Variants in TMPRSS15 observed in about 807,000 individuals in gnomAD.
The protein encoded by TMPRSS15 is transmembrane serine protease 15.
A neutral mutation model predicts 125.3 loss-of-function variants in TMPRSS15; 128 were observed. The ratio of observed to expected loss-of-function variants is 1.02; its 90% CI spans 0.89 to 1.18. The LOEUF is 1.18. Among genes scored for constraint, TMPRSS15 ranks in the 50% most tolerant of loss-of-function variants. The pLI is 0.00. For synonymous variants in TMPRSS15, 446 were observed against 423.2 expected (o/e 1.05, Z -0.66); for missense variants, 1,283 against 1,212.7 (o/e 1.06, Z -0.86).
In TMPRSS15 at chr21:18,353,722, C is replaced by G; in HGVS notation, c.1021+1G>C. The stretch of plus-strand genomic sequence containing the variant: ...AAAGCCAAAAAATAAATAATACTTA[C>G]TATTAAGCTCACTGCTGTTAAATGC... On this transcript the variant is annotated splice_donor_variant, in intron 9 of 24. Coordinates refer to ENST00000284885, the MANE Select transcript of TMPRSS15 (RefSeq NM_002772.3). LOFTEE classifies it high-confidence loss of function. 2 of 1,609,440 alleles carry G rather than the reference C, an allele frequency of 1.2e-6. No homozygotes were observed. Among genetic ancestry groups the G allele is most frequent in the South Asian group, 2.2e-5 (2 of 90,666 alleles).
At chr21:18,313,107 A>G in intron 17 of TMPRSS15, 30 bp from the exon 18 acceptor site, 1 of 1,518,980 alleles carries the variant, frequency 6.6e-7, no homozygotes, top group Admixed American at 1.7e-5. Flanking sequence ...AATGGTAGTT[A>G]CCAGAGACTG....
intron 22 of TMPRSS15, among the ~76,000 whole-genome samples, chr21:18,280,189 C>CT (rs1471354431): frequency 6.6e-6 from 1 of 152,186 alleles, no homozygotes; most frequent in Non-Finnish European, 1.5e-5. Flanking sequence ...ATAAAATTCA[C>CT]TTTATCAGGG....
chr21:18,310,095 T>C (rs2075083226), intron 18 of TMPRSS15, among the ~76,000 whole-genome samples: 1 of 152,114 alleles, frequency 6.6e-6, no homozygotes, highest in Non-Finnish European at 1.5e-5. Flanking sequence ...GACAAAGCCA[T>C]AGTTAACAAT....
At chr21:18,376,308 G>A (rs182328487) in intron 5 of TMPRSS15, among the ~76,000 whole-genome samples, 101 of 152,000 alleles carry the variant, frequency 6.6e-4, no homozygotes, top group African/African-American at 2.2e-3. Context: ...GAGTAGGAAC[G>A]TCTTAAATTA....
chr21:18,388,641 C>T (rs868610926), intron 3 of TMPRSS15, among the ~76,000 whole-genome samples: 24 of 152,228 alleles, frequency 1.6e-4, no homozygotes, highest in South Asian at 4.1e-4. Flanking sequence ...GAGGTTAAAG[C>T]CTTTTGGAAA....
intron 6 of TMPRSS15, among the ~76,000 whole-genome samples, chr21:18,368,656 G>GTC (rs2075762571): frequency 6.6e-6 from 1 of 152,136 alleles, no homozygotes; most frequent in Admixed American, 6.6e-5. Context: ...TATTTAGCCT[G>GTC]TCCTAAAGAA....
intron 8 of TMPRSS15, among the ~76,000 whole-genome samples, chr21:18,359,027 A>G (rs1601386883): frequency 1.3e-5 from 2 of 152,022 alleles, no homozygotes; most frequent in Non-Finnish European, 2.9e-5. Context: ...TGCGAGGAAA[A>G]CTAGTTATTC....
chr21:18,326,581 A>G lies in TMPRSS15; in HGVS notation c.1781-9T>C, dbSNP rs200644703. 3.7e-4 allele frequency: 604 copies of G among 1,614,066 alleles called. No individual in the cohort carries two copies. Among genetic ancestry groups the G allele is most frequent in the Non-Finnish European group, 4.7e-4 (557 of 1,179,946 alleles). ...AGGCCCTGTGTACACAGCTGTTCCA[A>G]AGGAAAACGAGATAATCAGTGAGAT... On this transcript the variant is annotated splice_polypyrimidine_tract_variant and intron_variant, in intron 15 of 24. Coordinates refer to ENST00000284885, the MANE Select transcript of TMPRSS15 (RefSeq NM_002772.3).
At position 18,379,270 on chromosome 21, in the gene TMPRSS15, T is replaced by C. The variant is rs1340543923; in HGVS notation, c.532+13A>G. 7 of 1,281,522 alleles carry C rather than the reference T, an allele frequency of 5.5e-6. No homozygotes were observed. The highest frequency in any genetic ancestry group is 1.5e-5 in the African/African-American group (1 of 65,566). 79.4% of individuals were successfully genotyped at this position (1,281,522 alleles called of 1,614,324 possible). On this transcript the variant is annotated intron_variant, in intron 5 of 24. Coordinates refer to ENST00000284885, the MANE Select transcript of TMPRSS15 (RefSeq NM_002772.3). Reference sequence around the variant, plus strand: ...TTCTTTCAAAAAATAATAATAATATTATTAAAACTGACCTGGAGTTGCCAG... The same window carrying C: ...TTCTTTCAAAAAATAATAATAATATCATTAAAACTGACCTGGAGTTGCCAG...
intron 18 of TMPRSS15, among the ~76,000 whole-genome samples, chr21:18,300,542 A>C (rs1473430733): frequency 6.6e-6 from 1 of 150,980 alleles, no homozygotes; most frequent in Admixed American, 6.6e-5. Flanking sequence ...AGGGTGTTTC[A>C]CTATGTTGGC....
chr21:18,359,804 T>C lies in TMPRSS15; in HGVS notation c.833A>G (p.Asp278Gly). The C allele has an allele frequency of 6.6e-7, 1 of 1,523,568 alleles. No homozygotes were observed. Among genetic ancestry groups the C allele is most frequent in the Non-Finnish European group, 9.1e-7 (1 of 1,100,300 alleles). 94.4% of individuals were successfully genotyped at this position (1,523,568 alleles called of 1,614,324 possible). The change falls in exon 8 of 25, where the codon GAT becomes GGT. Residue 278 changes from aspartate (D) to glycine (G), a missense_variant. Asp to Gly is a moderately conservative substitution (Grantham distance 94, BLOSUM62 -1). Coordinates refer to ENST00000284885, the MANE Select transcript of TMPRSS15 (RefSeq NM_002772.3). ...TACACCTTCATAAATATCTAATATA[T>C]CTGTATAATATGTATTAAAATCATC... ...SFDDFNTYYT[D>G]ILDIYEGVGS...
chr21:18,414,308 C>A (rs1448317705), intron 1 of TMPRSS15, among the ~76,000 whole-genome samples: 1 of 151,942 alleles, frequency 6.6e-6, no homozygotes, highest in African/African-American at 2.4e-5. Context: ...CCTAACAGCT[C>A]CCATTTTCTT....
chr21:18,457,927 A>G (rs1978473327), intron 1 of TMPRSS15, among the ~76,000 whole-genome samples: 1 of 152,154 alleles, frequency 6.6e-6, no homozygotes. Context: ...GAAACTTTTG[A>G]GTATAATTCT....
At chr21:18,369,750 C>T (rs975295561) in intron 6 of TMPRSS15, among the ~76,000 whole-genome samples, 3 of 151,894 alleles carry the variant, frequency 2.0e-5, no homozygotes, top group African/African-American at 7.3e-5. Context: ...TGGACAGTGG[C>T]TTTCAGGTGG....
chr21:18,460,006 T>C (rs560512309), intron 1 of TMPRSS15, among the ~76,000 whole-genome samples: 1 of 152,206 alleles, frequency 6.6e-6, no homozygotes, highest in Non-Finnish European at 1.5e-5. Flanking sequence ...GATTTTTATA[T>C]TTTGATATTT....
At chr21:18,455,852 A>T (rs1978432382) in intron 1 of TMPRSS15, among the ~76,000 whole-genome samples, 1 of 152,184 alleles carries the variant, frequency 6.6e-6, no homozygotes, top group Non-Finnish European at 1.5e-5. Context: ...GGATGAAACC[A>T]AATCCAAAAG....
At chr21:18,274,439 G>A (rs922423021) in intron 24 of TMPRSS15, among the ~76,000 whole-genome samples, 1 of 152,104 alleles carries the variant, frequency 6.6e-6, no homozygotes, top group East Asian at 1.9e-4. Context: ...ATTTCATGGC[G>A]CTAATAGGAA....
rs528327587 is a variant in TMPRSS15, at chr21:18,413,894, C to A, written c.11-15565G>T. 2.6e-5 allele frequency among the ~76,000 whole-genome samples: 4 copies of A among 152,026 alleles called. No homozygotes were observed. The South Asian group carries it at 8.3e-4, about 32-fold the overall frequency. On this transcript the variant is annotated intron_variant, in intron 1 of 7. Transcript: ENST00000422787. Reference sequence around the variant, plus strand: ...AGGCGCATGCCACCAGTCCTGGCCACCTTTTTTATTTTTTGTAGAGACAGG... The same window carrying A: ...AGGCGCATGCCACCAGTCCTGGCCAACTTTTTTATTTTTTGTAGAGACAGG...
intron 1 of TMPRSS15, among the ~76,000 whole-genome samples, chr21:18,419,685 CAGCCTGGT>C (rs1393518860): frequency 1.3e-5 from 2 of 152,094 alleles, no homozygotes; most frequent in African/African-American, 4.8e-5. Context: ...ACTTTGACAC[CAGCCTGGT>C]AGAAAAGTAT....
Sources: allele counts gnomAD v4.1 joint callset (sites outside exome capture counted in the v4.1 genomes callset), GRCh38; gene constraint gnomAD v4.1.1; transcripts MANE v1.5; gene names NCBI Gene and HGNC (gene_info 2026-07-23, HGNC 2026-07-21).